RAD9A: variants seen among roughly 807,000 people sequenced by gnomAD.
RAD9A encodes the protein RAD9 checkpoint clamp component A.
RAD9A carries 25 observed loss-of-function variants against 41.2 expected under a neutral mutation model. The ratio of observed to expected loss-of-function variants is 0.61; its 90% confidence interval spans 0.44 to 0.85. RAD9A has a LOEUF of 0.85. Among genes scored for constraint, RAD9A ranks in the 40% least tolerant of loss-of-function variants. RAD9A has a pLI of 0.00. For missense variants in RAD9A, 514 were observed against 518.3 expected (o/e 0.99, Z 0.08); for synonymous variants, 252 against 210.6 (o/e 1.20, Z -1.70).
intron 7 of RAD9A, 32 bp from the exon 8 acceptor site, chr11:67,396,079 C>T (rs374752117): frequency 3.0e-5 from 48 of 1,613,188 alleles, no homozygotes; most frequent in African/African-American, 9.4e-5. Context: ...CAGCCCAGCC[C>T]GGGGCCTCAC....
Position 67,396,246 on chromosome 11 carries a change from C to T in RAD9A, c.735-17C>T, listed in dbSNP as rs1862690921. On this transcript the variant is annotated splice_polypyrimidine_tract_variant and intron_variant, in intron 8 of 10. Transcript: ENST00000307980. Reference sequence around the variant, plus strand: ...GCTGAATGGGATGACCTAGCTTGGGCCCCCTCCCCTGCCCAGGCCCGCCAT... The same window carrying T: ...GCTGAATGGGATGACCTAGCTTGGGTCCCCTCCCCTGCCCAGGCCCGCCAT... 3 of 1,613,854 alleles carry T rather than the reference C, an allele frequency of 1.9e-6. No individual in the cohort carries two copies. Among genetic ancestry groups the T allele is most frequent in the East Asian group, 4.5e-5 (2 of 44,834 alleles).
At position 67,398,236 on chromosome 11, in the gene RAD9A, C is replaced by T. The variant is rs1045693620; in HGVS notation, c.*677C>T. 60 of 435,876 alleles carry T rather than the reference C, an allele frequency of 1.4e-4. No individual in the cohort carries two copies. The highest frequency in any genetic ancestry group is 4.6e-4 in the South Asian group (16 of 34,500). 27.0% of individuals were successfully genotyped at this position (435,876 alleles called of 1,614,324 possible). A position where few individuals can be genotyped will look rare whatever the true frequency, so the allele number is the denominator to read the frequency against. On this transcript the variant is annotated 3_prime_UTR_variant, in exon 11 of 11. Coordinates refer to ENST00000307980, the MANE Select transcript of RAD9A (RefSeq NM_004584.3). Reference sequence around the variant, plus strand: ...AGACCAGATGGGTTGCCCCAGGATCCGGCTGCCAGCCCTGAGGCCAAGCAC... The same window carrying T: ...AGACCAGATGGGTTGCCCCAGGATCTGGCTGCCAGCCCTGAGGCCAAGCAC...
intron 2 of RAD9A, 65 bp downstream of exon 2, chr11:67,392,296 T>A: frequency 7.4e-7 from 1 of 1,358,826 alleles, no homozygotes; most frequent in African/African-American, 1.5e-5. Context: ...CGGACTAGAG[T>A]CTCGCCCCCA....
At chr11:67,396,069 C>T (rs763889912) in intron 7 of RAD9A, 42 bp from the exon 8 acceptor site, 7 of 1,613,388 alleles carry the variant, frequency 4.3e-6, no homozygotes, top group Non-Finnish European at 5.9e-6. Context: ...CTGCCCAGCT[C>T]AGCCCAGCCC....
chr11:67,396,341 C>A lies in RAD9A; in HGVS notation c.813C>A (p.His271Gln). 1 of 1,614,076 alleles carries A rather than the reference C, an allele frequency of 6.2e-7. No individual in the cohort carries two copies. The highest frequency in any genetic ancestry group is 8.5e-7 in the Non-Finnish European group (1 of 1,180,028). Reference sequence around the variant, plus strand: ...CCACACTCTCAGACACCGACTCGCACTCCCAGGACCTGGGCTCCCCAGAGC... The same window carrying A: ...CCACACTCTCAGACACCGACTCGCAATCCCAGGACCTGGGCTCCCCAGAGC... ...VLATLSDTDS[H>Q]SQDLGSPERH... The change falls in exon 9 of 11, where the codon CAC (histidine) becomes CAA (glutamine). Residue 271 changes from histidine (H) to glutamine (Q), a missense_variant. Coordinates refer to ENST00000307980, the MANE Select transcript of RAD9A (RefSeq NM_004584.3).
rs368294668 is a variant in RAD9A at position 67,397,508 on chromosome 11, C to A, written c.1125C>A (p.Ser375=). The change falls in exon 11 of 11, where the codon TCC becomes TCA. Residue 375 remains serine (S), a synonymous_variant. Transcript: ENST00000307980. Reference sequence around the variant, plus strand: ...GCTCCATCCTGGCCCCTGTACGCTCCCCCCAGGGCCCCAGCCCTGTGCTGG... The same window carrying A: ...GCTCCATCCTGGCCCCTGTACGCTCACCCCAGGGCCCCAGCCCTGTGCTGG... ...FFGSILAPVR[S]PQGPSPVLAE... is the part of the protein sequence containing the mutation. 1.2e-4 allele frequency: 191 copies of A among 1,612,154 alleles called. 1 individual carries two copies. Among genetic ancestry groups the A allele is most frequent in the Non-Finnish European group, 1.6e-4 (186 of 1,179,054 alleles).
chr11:67,396,880 C>A (rs1163205889), intron 9 of RAD9A, among the ~76,000 whole-genome samples: 4 of 152,140 alleles, frequency 2.6e-5, no homozygotes, highest in Non-Finnish European at 4.4e-5. Context: ...GGGGCTTGGG[C>A]TCCATGTGGC....
At position 67,397,344 on chromosome 11, in the gene RAD9A, G is replaced by A. The variant is rs1295510662; in HGVS notation, c.1038G>A (p.Glu346=). The A allele has an allele frequency of 1.9e-6, 3 of 1,597,806 alleles. No homozygotes were observed. The highest frequency in any genetic ancestry group is 2.7e-5 in the African/African-American group (2 of 73,726). Reference sequence around the variant, plus strand: ...GTCCCCACTCCGAGGAGGAAGATGAGGCTGAGCCCAGTACAGTGCCTGGGA... The same window carrying A: ...GTCCCCACTCCGAGGAGGAAGATGAAGCTGAGCCCAGTACAGTGCCTGGGA... ...SPGPHSEEED[E]AEPSTVPGTP... is the part of the protein sequence containing the mutation. Residue 346 remains glutamate, a synonymous_variant, in exon 10 of 11, where the codon GAG becomes GAA. Transcript: ENST00000307980.
chr11:67,395,934 G>T lies in RAD9A; in HGVS notation c.582G>T (p.Val194=), dbSNP rs576469038. 34 of 1,614,222 alleles carry T rather than the reference G, an allele frequency of 2.1e-5. No individual in the cohort carries two copies. In the South Asian group the frequency reaches 3.5e-4, roughly 17 times the overall value. ...EEADSTAKAM[V]TEMCLGEEDF... ...CAGACAGCACTGCCAAAGCCATGGT[G>T]ACTGAGATGTGCCTTGGAGAGGAGG... Residue 194 remains valine, a synonymous_variant, in exon 7 of 11, where the codon GTG becomes GTT. Transcript: ENST00000307980.
In RAD9A at chr11:67,397,644, G is replaced by A. The variant is rs1028110620; in HGVS notation, c.*85G>A. 8.8e-6 allele frequency: 11 copies of A among 1,246,748 alleles called. No homozygotes were observed. Among genetic ancestry groups the A allele is most frequent in the Non-Finnish European group, 1.2e-5 (11 of 897,314 alleles). 77.2% of individuals were successfully genotyped at this position (1,246,748 alleles called of 1,614,324 possible). On this transcript the variant is annotated 3_prime_UTR_variant, in exon 11 of 11. Coordinates refer to ENST00000307980, the MANE Select transcript of RAD9A (RefSeq NM_004584.3). ...CAGAACTGGGTCTCTCAGCCCTGGG[G>A]ATCAGAAAGGTGGGCTTGCTGGAGC...
chr11:67,393,407 C>T, intron 3 of RAD9A, 89 bp from the exon 4 acceptor site: 1 of 1,536,806 alleles, frequency 6.5e-7, no homozygotes, highest in Non-Finnish European at 8.8e-7. Flanking sequence ...GAGTTACATG[C>T]TGGGCCCATG....
Position 67,398,051 on chromosome 11 carries a change from G to A in RAD9A, c.*492G>A. ...CCTGATACTCTTTGGCGCTGACTTGGAATTCTAAGAGCCTTGGACCCGAGT... is the reference window on the plus strand; with the variant it reads ...CCTGATACTCTTTGGCGCTGACTTGAAATTCTAAGAGCCTTGGACCCGAGT... On this transcript the variant is annotated 3_prime_UTR_variant, in exon 11 of 11. Transcript: ENST00000307980. The A allele has an allele frequency of 5.0e-6, 1 of 198,400 alleles. No homozygotes were observed. Among genetic ancestry groups the A allele is most frequent in the Non-Finnish European group, 1.0e-5 (1 of 96,334 alleles). 12.3% of individuals were successfully genotyped at this position (198,400 alleles called of 1,614,324 possible).
chr11:67,394,917 CT>C (rs1457787043), intron 5 of RAD9A, among the ~76,000 whole-genome samples: 1 of 152,124 alleles, frequency 6.6e-6, no homozygotes, highest in Non-Finnish European at 1.5e-5. Flanking sequence ...CACTCAGTCT[CT>C]TTTTTTAAAA....
chr11:67,392,359 C>T (rs1862551894), intron 2 of RAD9A, 128 bp downstream of exon 2: 5 of 952,482 alleles, frequency 5.2e-6, no homozygotes, highest in Non-Finnish European at 1.5e-6. Context: ...GTTTCTTAGT[C>T]TGGCGGCTGT....
chr11:67,395,978 C>T lies in RAD9A; in HGVS notation c.626C>T (p.Ala209Val). ...LGEEDFQQLQ[A>V]QEGVAITFCL... ...GAGGAGGATTTCCAGCAGCTGCAGG[C>T]CCAGGAAGGGGTGGCCATCACTTTC... The change falls in exon 7 of 11, where the codon GCC becomes GTC. Residue 209 changes from alanine (A) to valine (V), a missense_variant. Transcript: ENST00000307980. The T allele has an allele frequency of 1.2e-6, 2 of 1,614,130 alleles. No homozygotes were observed. The highest frequency in any genetic ancestry group is 1.7e-6 in the Non-Finnish European group (2 of 1,180,018).
chr11:67,395,288 T>C (rs941721631), intron 5 of RAD9A: 1 of 166,842 alleles, frequency 6.0e-6, no homozygotes, highest in African/African-American at 2.4e-5. Context: ...TCAGTTTTAG[T>C]GTATGTGCTG....
rs1204507192 is a variant in RAD9A, at chr11:67,398,199, C to T, written c.*640C>T. On this transcript the variant is annotated 3_prime_UTR_variant, in exon 11 of 11. Coordinates refer to ENST00000307980, the MANE Select transcript of RAD9A (RefSeq NM_004584.3). ...GGCCATGGCGAGAATCCAGCTTTGACCTTTATTCAAGAGACCAGATGGGTT... is the reference window on the plus strand; with the variant it reads ...GGCCATGGCGAGAATCCAGCTTTGATCTTTATTCAAGAGACCAGATGGGTT... 1 of 347,600 alleles carries T rather than the reference C, an allele frequency of 2.9e-6. No individual in the cohort carries two copies. Among genetic ancestry groups the T allele is most frequent in the East Asian group, 6.3e-5 (1 of 15,860 alleles). The allele number at this position is 347,600 out of a possible 1,614,324, so 21.5% of individuals were successfully genotyped here.
chr11:67,398,073 G>T lies in RAD9A; in HGVS notation c.*514G>T. The stretch of plus-strand genomic sequence containing the variant: ...TTGGAATTCTAAGAGCCTTGGACCC[G>T]AGTGTGTGGCTAGGGTTGCCCTGGC... On this transcript the variant is annotated 3_prime_UTR_variant, in exon 11 of 11. Coordinates refer to ENST00000307980, the MANE Select transcript of RAD9A (RefSeq NM_004584.3). The T allele has an allele frequency of 4.9e-6, 1 of 204,806 alleles. No individual in the cohort carries two copies. Among genetic ancestry groups the T allele is most frequent in the South Asian group, 8.3e-5 (1 of 12,098 alleles). The allele number at this position is 204,806 out of a possible 1,614,324, so 12.7% of individuals were successfully genotyped here. A position where few individuals can be genotyped will look rare whatever the true frequency, so the allele number is the denominator to read the frequency against.
At chr11:67,392,349 G>T (rs1862551747) in intron 2 of RAD9A, 118 bp downstream of exon 2, 20 of 1,010,476 alleles carry the variant, frequency 2.0e-5, no homozygotes, top group Non-Finnish European at 2.7e-5. Context: ...CAAAGTTTCA[G>T]TTTCTTAGTC....
Sources: gnomAD v4.1 joint callset for allele counts (sites outside exome capture counted in the v4.1 genomes callset) on GRCh38, gnomAD v4.1.1 for gene constraint, MANE v1.5 for transcripts, NCBI Gene and HGNC (gene_info 2026-07-23, HGNC 2026-07-21) for gene names.